The following SLC22A25 variants were observed in gnomAD, a reference collection of about 807,000 sequenced individuals.
The protein encoded by SLC22A25 is MGI:2442751, MGI:2385316, MGI:3042283, MGI:3645714, MGI:3605624, MGI:2442750.
In SLC22A25, 44 loss-of-function variants were observed where a neutral mutation model predicts 45.9. The ratio of observed to expected loss-of-function variants is 0.96; its 90% CI spans 0.75 to 1.23. The LOEUF is 1.23. SLC22A25 is among the 50% of genes most tolerant of loss of function. The pLI is 0.00. For missense variants in SLC22A25, 800 were observed against 666.4 expected, an observed-to-expected ratio of 1.20 and a Z score of -2.21; for synonymous variants, 283 against 238.6, an observed-to-expected ratio of 1.19 and a Z score of -1.72.
chr11:63,175,820 G>A (rs1425238477), intron 9 of SLC22A25, among the ~76,000 whole-genome samples: 1 of 148,880 alleles, frequency 6.7e-6, no homozygotes, highest in African/African-American at 2.5e-5. Flanking sequence ...AAGAAAATTG[G>A]GTGTGTATAT....
intron 9 of SLC22A25, among the ~76,000 whole-genome samples, chr11:63,168,792 A>G (rs575578354): frequency 7.0e-4 from 107 of 152,306 alleles, no homozygotes; most frequent in Non-Finnish European, 1.4e-3. Flanking sequence ...ACAGGCCAAC[A>G]TACAATTTCA....
At position 63,166,087 on chromosome 11, in the gene SLC22A25, G is replaced by C; in HGVS notation, c.1242C>G (p.Phe414Leu). The change falls in exon 10 of 12, where the codon TTC becomes TTG. Residue 414 changes from phenylalanine to leucine, a missense_variant. Coordinates refer to ENST00000306494, the MANE Select transcript of SLC22A25 (RefSeq NM_199352.6). ...TGGCCAGAAGGCAGGTTGCCAGTAG[G>C]AACATGAGAAGCATCTGGCTTAGTC... ...SRRLSQMLLMFLLATCLLAII... is the reference protein window; with the variant it reads ...SRRLSQMLLMLLLATCLLAII... The C allele has an allele frequency of 5.6e-6, 9 of 1,613,988 alleles. No individual in the cohort carries two copies. The highest frequency in any genetic ancestry group is 6.8e-6 in the Non-Finnish European group (8 of 1,179,934).
At chr11:63,198,300 A>G (rs2089124977) in intron 7 of SLC22A25, among the ~76,000 whole-genome samples, 2 of 152,330 alleles carry the variant, frequency 1.3e-5, no homozygotes, top group South Asian at 4.1e-4. Flanking sequence ...CACTATTCAC[A>G]ATAGCAAAGA....
chr11:63,236,449 G>A (rs533959019), intron 3 of SLC22A25, among the ~76,000 whole-genome samples: 1 of 152,318 alleles, frequency 6.6e-6, no homozygotes, highest in South Asian at 2.1e-4. Flanking sequence ...AGCCATGTGT[G>A]GGATATAATC....
chr11:63,212,577 A>G (rs552954421), intron 7 of SLC22A25, among the ~76,000 whole-genome samples: 1 of 151,786 alleles, frequency 6.6e-6, no homozygotes, highest in Admixed American at 6.6e-5. Flanking sequence ...ACAAAAAACC[A>G]AACACCACAT....
chr11:63,189,552 G>C (rs1227142338), intron 7 of SLC22A25, among the ~76,000 whole-genome samples: 1 of 151,958 alleles, frequency 6.6e-6, no homozygotes, highest in Non-Finnish European at 1.5e-5. Context: ...ACATTTGAGG[G>C]TAATATTGTT....
intron 9 of SLC22A25, chr11:63,166,785 A>C: frequency 1.0e-6 from 1 of 984,936 alleles, no homozygotes; most frequent in Non-Finnish European, 1.2e-6. Flanking sequence ...AATCTAGATT[A>C]GAATAAGAAA....
At chr11:63,217,552 GA>G (rs765979578) in intron 6 of SLC22A25, 28 bp downstream of exon 6, 1 of 1,609,882 alleles carries the variant, frequency 6.2e-7, no homozygotes, top group South Asian at 1.1e-5. Context: ...CCAAGGCTTG[GA>G]AAATGTGGAT....
chr11:63,179,305 C>G (rs758410123), intron 9 of SLC22A25, among the ~76,000 whole-genome samples: 6 of 151,888 alleles, frequency 4.0e-5, no homozygotes, highest in Non-Finnish European at 8.8e-5. Context: ...TTATTTTGTT[C>G]CCTTTTGTGT....
At chr11:63,207,006 A>T (rs1050526512) in intron 7 of SLC22A25, among the ~76,000 whole-genome samples, 4 of 152,194 alleles carry the variant, frequency 2.6e-5, no homozygotes, top group Non-Finnish European at 5.9e-5. Flanking sequence ...TCTTTGATAA[A>T]CCTGACAAAA....
At chr11:63,165,770 T>G (rs986185313) in intron 10 of SLC22A25, among the ~76,000 whole-genome samples, 19 of 152,218 alleles carry the variant, frequency 1.2e-4, no homozygotes, top group Admixed American at 7.2e-4. Flanking sequence ...ATTGCTGTCC[T>G]AGAGAAACTA....
intron 7 of SLC22A25, among the ~76,000 whole-genome samples, chr11:63,201,306 A>T (rs1301114329): frequency 6.6e-6 from 1 of 152,116 alleles, no homozygotes; most frequent in Non-Finnish European, 1.5e-5. Context: ...AACAAAAACA[A>T]ACACATAGAC....
In SLC22A25 at chr11:63,217,350, A is replaced by C; in HGVS notation, c.794T>G (p.Met265Arg). 1 of 1,614,026 alleles carries C rather than the reference A, an allele frequency of 6.2e-7. No individual in the cohort carries two copies. Among genetic ancestry groups the C allele is most frequent in the Non-Finnish European group, 8.5e-7 (1 of 1,180,004 alleles). The change falls in exon 7 of 12, where the codon ATG (methionine) becomes AGG (arginine). Residue 265 changes from methionine to arginine, a missense_variant. Physicochemically the swap from Met to Arg is moderately conservative, Grantham distance 91 (BLOSUM62 -1). Transcript: ENST00000306494. ...IRDQCILQLV[M>R]SAPCFVFFLF... ...AAAGAAGACAAAGCATGGTGCAGAC[A>C]TCACCAACTGGAGGATGCACTGGTC...
chr11:63,164,218 G>A, intron 11 of SLC22A25, 145 bp from the exon 12 acceptor site: 10 of 1,150,928 alleles, frequency 8.7e-6, no homozygotes, highest in Non-Finnish European at 1.2e-5. Flanking sequence ...TCTCTTATTT[G>A]CTAGCAATTT....
chr11:63,190,626 T>C (rs2088771312), intron 7 of SLC22A25, among the ~76,000 whole-genome samples: 1 of 151,978 alleles, frequency 6.6e-6, no homozygotes, highest in Non-Finnish European at 1.5e-5. Context: ...GGCACTCTGA[T>C]TTTTAGAGTT....
chr11:63,241,658 C>A (rs2090250712), intron 1 of SLC22A25, among the ~76,000 whole-genome samples: 1 of 152,174 alleles, frequency 6.6e-6, no homozygotes, highest in African/African-American at 2.4e-5. Flanking sequence ...CAGTGACTAT[C>A]AAGGCCCCCA....
At chr11:63,226,112 A>G (rs1289707010) in intron 5 of SLC22A25, among the ~76,000 whole-genome samples, 1 of 152,148 alleles carries the variant, frequency 6.6e-6, no homozygotes, top group Non-Finnish European at 1.5e-5. Flanking sequence ...CTGAAAGGTC[A>G]CATATCTGTC....
intron 7 of SLC22A25, among the ~76,000 whole-genome samples, chr11:63,213,237 G>A (rs751535025): frequency 6.6e-6 from 1 of 152,200 alleles, no homozygotes; most frequent in African/African-American, 2.4e-5. Flanking sequence ...AAAGGAAAGA[G>A]AGCCCCTCCT....
Position 63,180,730 on chromosome 11 carries a change from T to G in SLC22A25, c.1000A>C (p.Lys334Gln), listed in dbSNP as rs778700811. ...CGGAGCAATTCACAAAGAGAATGCT[T>G]TTTCTGTGCTGCCTCCAGTTCTTGC... is the stretch of plus-strand genomic sequence containing the variant. ...MKQELEAAQK[K>Q]HSLCELLRIP... Residue 334 changes from lysine (K) to glutamine (Q), a missense_variant, in exon 9 of 12, where the codon AAG becomes CAG. Coordinates refer to ENST00000306494, the MANE Select transcript of SLC22A25 (RefSeq NM_199352.6). The G allele has an allele frequency of 1.9e-6, 3 of 1,613,252 alleles. No homozygotes were observed. Among genetic ancestry groups the G allele is most frequent in the Non-Finnish European group, 1.7e-6 (2 of 1,179,532 alleles).
Sources: gnomAD v4.1 joint callset for allele counts (sites outside exome capture counted in the v4.1 genomes callset) on GRCh38, gnomAD v4.1.1 for gene constraint, MANE v1.5 for transcripts, NCBI Gene and HGNC (gene_info 2026-07-23, HGNC 2026-07-21) for gene names.